TRIML1: variants seen among roughly 807,000 people sequenced by gnomAD.
The protein encoded by TRIML1 is tripartite motif family like 1, also known as probable E3 ubiquitin-protein ligase TRIML1.
TRIML1 carries 34 observed loss-of-function variants against 32.3 expected under a neutral mutation model. That is an observed-to-expected ratio of 1.05 (90% CI 0.80 to 1.40). The LOEUF is 1.40. Ranked by LOEUF, TRIML1 falls within the 40% of genes most tolerant of loss-of-function variation. The pLI is 0.00. For synonymous variants in TRIML1, 244 were observed against 226.6 expected (o/e 1.08, Z -0.69); for missense variants, 595 against 574.9 (o/e 1.03, Z -0.36).
upstream of TRIML1, among the ~76,000 whole-genome samples, chr4:188,138,268 C>A (rs1317038968): frequency 6.6e-6 from 1 of 152,100 alleles, no homozygotes; most frequent in Non-Finnish European, 1.5e-5. Context: ...AAACATCCAA[C>A]ATCCTGTTGG....
chr4:188,147,054 C>T lies in TRIML1; in HGVS notation c.1089C>T (p.Ser363=), dbSNP rs1240236674. The T allele has an allele frequency of 6.2e-7, 1 of 1,612,756 alleles. No homozygotes were observed. The highest frequency in any genetic ancestry group is 1.3e-5 in the African/African-American group (1 of 74,986). Residue 363 remains serine, a synonymous_variant, in exon 6 of 6, where the codon AGC becomes AGT. Coordinates refer to ENST00000332517, the MANE Select transcript of TRIML1 (RefSeq NM_178556.5). ...WEVGICKDSV[S]RKGNLPKPPG... is the part of the protein sequence containing the mutation. Reference sequence around the variant, plus strand: ...TGGGCATCTGCAAGGACTCTGTGAGCAGAAAGGGGAATCTCCCCAAGCCAC... The same window carrying T: ...TGGGCATCTGCAAGGACTCTGTGAGTAGAAAGGGGAATCTCCCCAAGCCAC...
intron 3 of TRIML1, among the ~76,000 whole-genome samples, chr4:188,142,747 C>A (rs970631580): frequency 1.5e-5 from 2 of 132,574 alleles, no homozygotes; most frequent in Non-Finnish European, 3.4e-5. Flanking sequence ...TCTCTGCAAC[C>A]TCAGCTTTGT....
At chr4:188,143,311 C>T (rs1211111217) in intron 3 of TRIML1, 1 of 157,648 alleles carries the variant, frequency 6.3e-6, no homozygotes, top group African/African-American at 2.4e-5. Flanking sequence ...ACCTTGGCCT[C>T]CCAAAAGGCT....
At chr4:188,144,482 CCT>C (rs374539617) in intron 5 of TRIML1, among the ~76,000 whole-genome samples, 2,649 of 145,650 alleles carry the variant, frequency 0.018, 69 homozygotes, top group Middle Eastern at 0.051. Flanking sequence ...CCTGCCTCAG[CCT>C]CCCGAGTAGC....
chr4:188,143,691 G>A (rs1734948510), intron 3 of TRIML1, 147 bp from the exon 4 acceptor site: 4 of 900,074 alleles, frequency 4.4e-6, no homozygotes, highest in South Asian at 3.0e-5. Context: ...AACTGGGGAC[G>A]CTTTTCTCTG....
Position 188,143,996 on chromosome 4 carries a change from C to T in TRIML1, c.759-40C>T, listed in dbSNP as rs374924947. The T allele has an allele frequency of 1.8e-5, 29 of 1,608,490 alleles. 1 individual carries two copies. Among genetic ancestry groups the T allele is most frequent in the South Asian group, 2.2e-5 (2 of 90,946 alleles). On this transcript the variant is annotated intron_variant, in intron 4 of 5. Coordinates refer to ENST00000332517, the MANE Select transcript of TRIML1 (RefSeq NM_178556.5). ...GACTCTCCAGCTGGAGCAGGTCACG[C>T]GGTCTGTGCCGAGGAGTGAACCTCT...
At chr4:188,140,083 C>A in intron 1 of TRIML1, 117 bp downstream of exon 1, 1 of 1,063,104 alleles carries the variant, frequency 9.4e-7, no homozygotes, top group Non-Finnish European at 1.3e-6. Flanking sequence ...CTGAGCACCA[C>A]ATCACAAACT....
intron 5 of TRIML1, among the ~76,000 whole-genome samples, chr4:188,146,145 C>T (rs1307935762): frequency 6.6e-6 from 1 of 152,264 alleles, no homozygotes; most frequent in Non-Finnish European, 1.5e-5. Flanking sequence ...GCTATTTTCT[C>T]TCCCACCCAA....
intron 2 of TRIML1, 95 bp downstream of exon 2, chr4:188,140,718 T>A: frequency 1.1e-6 from 1 of 943,920 alleles, no homozygotes; most frequent in South Asian, 1.5e-5. Flanking sequence ...AAAAGACAAA[T>A]TTTTCCAGTC....
intron 2 of TRIML1, among the ~76,000 whole-genome samples, chr4:188,141,165 G>GTTTTTTTTTTGTT: frequency 8.4e-6 from 1 of 118,822 alleles, no homozygotes; most frequent in Non-Finnish European, 1.7e-5. Context: ...TTTGAAATCT[G>GTTTTTTTTTTGTT]TTTTTTTTTT....
rs748916425 is a variant in TRIML1 at position 188,139,777 on chromosome 4, G to C, written c.219G>C (p.Arg73Ser). ...TCCAGTCAAACGAGCGTCTGGGGAGGCTGGCCAGCATCGCCAGGCAGCTCC... is the reference window on the plus strand; with the variant it reads ...TCCAGTCAAACGAGCGTCTGGGGAGCCTGGCCAGCATCGCCAGGCAGCTCC... ...PHFQSNERLG[R>S]LASIARQLRS... Residue 73 changes from arginine to serine, a missense_variant, in exon 1 of 6, where the codon AGG becomes AGC. Transcript: ENST00000332517. The C allele has an allele frequency of 9.9e-6, 16 of 1,613,922 alleles. No individual in the cohort carries two copies. The highest frequency in any genetic ancestry group is 1.4e-5 in the Non-Finnish European group (16 of 1,180,010).
intron 2 of TRIML1, 41 bp from the exon 3 acceptor site, chr4:188,142,207 CGTGT>C (rs61461219): frequency 0.018 from 18,121 of 1,008,222 alleles, 35 homozygotes; most frequent in East Asian, 0.027. Context: ...AACTTTATCT[CGTGT>C]GTGTGTGTGT....
At chr4:188,144,524 G>GGC (rs1734993407) in intron 5 of TRIML1, among the ~76,000 whole-genome samples, 1 of 137,482 alleles carries the variant, frequency 7.3e-6, no homozygotes, top group Non-Finnish European at 1.6e-5. Flanking sequence ...CACCACGCCT[G>GGC]GGTAATTTTT....
chr4:188,142,046 G>A (rs1476457635), intron 2 of TRIML1, among the ~76,000 whole-genome samples: 1 of 150,678 alleles, frequency 6.6e-6, no homozygotes, highest in East Asian at 2.0e-4. Context: ...GAACTCAGGA[G>A]GCAGAGGTTG....
In TRIML1 at chr4:188,141,165, GTTTT is replaced by G. The variant is rs58714915; in HGVS notation, c.504+558_504+561del. 3.2e-3 allele frequency among the ~76,000 whole-genome samples: 381 copies of G among 118,812 alleles called. 13 individuals carry two copies. Among genetic ancestry groups the G allele is most frequent in the African/African-American group, 8.3e-3 (276 of 33,392 alleles). The allele number at this position is 118,812 out of a possible 152,430, so 77.9% of individuals were successfully genotyped here. A position where few individuals can be genotyped will look rare whatever the true frequency, so the allele number is the denominator to read the frequency against. On this transcript the variant is annotated intron_variant, in intron 2 of 5. Transcript: ENST00000332517. ...ATTCTCCCAATAGACTTTGAAATCT[GTTTT>G]TTTTTTTTTTTTTTTGGAGATGGAG...
intron 5 of TRIML1, among the ~76,000 whole-genome samples, chr4:188,146,173 T>C (rs1735072095): frequency 6.6e-6 from 1 of 150,904 alleles, no homozygotes; most frequent in African/African-American, 2.4e-5. Flanking sequence ...AACCAGAACC[T>C]CCCATGGCTA....
chr4:188,142,607 T>C (rs565196134), intron 3 of TRIML1, 125 bp downstream of exon 3: 1 of 715,256 alleles, frequency 1.4e-6, no homozygotes, highest in Non-Finnish European at 2.3e-6. Context: ...GTAGTTTTCC[T>C]AAAGAATTGA....
upstream of TRIML1, among the ~76,000 whole-genome samples, chr4:188,137,274 G>T (rs149626946): frequency 4.1e-3 from 611 of 150,140 alleles, 6 homozygotes; most frequent in African/African-American, 0.014. Context: ...TTCTAGTGGT[G>T]GCAGTTAGTG....
rs542965541 is a variant in TRIML1, at chr4:188,140,049, TG to T, written c.408+88del. 1,047 of 1,429,254 alleles carry T rather than the reference TG, an allele frequency of 7.3e-4. 7 individuals are homozygous for T. In the African/African-American group the frequency reaches 0.013, roughly 18 times the overall value. The allele number at this position is 1,429,254 out of a possible 1,614,324, so 88.5% of individuals were successfully genotyped here. On this transcript the variant is annotated intron_variant, in intron 1 of 5. Coordinates refer to ENST00000332517, the MANE Select transcript of TRIML1 (RefSeq NM_178556.5). The stretch of plus-strand genomic sequence containing the variant: ...TCCTGACGTTTCCTAACGTCCTCTG[TG>T]GGGGACAGTCACGAGGGCCCATCTG...
Sources: gnomAD v4.1 joint callset for allele counts (sites outside exome capture counted in the v4.1 genomes callset) on GRCh38, gnomAD v4.1.1 for gene constraint, MANE v1.5 for transcripts, NCBI Gene and HGNC (gene_info 2026-07-23, HGNC 2026-07-21) for gene names.